Variants in HECW1 observed in about 807,000 individuals in gnomAD.
The protein encoded by HECW1 is E3 ubiquitin-protein ligase HECW1.
Under a neutral mutation model 182.3 loss-of-function variants are expected in HECW1, and 61 were observed. The ratio of observed to expected loss-of-function variants is 0.33; its 90% confidence interval spans 0.27 to 0.41. The LOEUF is 0.41. HECW1 is among the 10% of genes least tolerant of loss of function. The probability of loss-of-function intolerance (pLI) is 1.00; values close to 1 mark genes in which losing one functional copy is unlikely to be tolerated. For missense variants in HECW1, 1,739 were observed against 2,108.9 expected (o/e 0.82, Z 3.44); for synonymous variants, 859 against 832.6 (o/e 1.03, Z -0.55).
intron 29 of HECW1, among the ~76,000 whole-genome samples, chr7:43,560,368 T>C (rs2082170535): frequency 6.6e-6 from 1 of 152,232 alleles, no homozygotes; most frequent in African/African-American, 2.4e-5. Flanking sequence ...TGTATTCGTA[T>C]GTTTCTTCCC....
At chr7:43,507,069 C>T in intron 21 of HECW1, 68 bp from the exon 22 acceptor site, 7 of 1,557,566 alleles carry the variant, frequency 4.5e-6, no homozygotes, top group Non-Finnish European at 6.1e-6. Flanking sequence ...GACTCCTTCT[C>T]AAAAAAGAAA....
At chr7:43,492,960 G>T in intron 18 of HECW1, 124 bp from the exon 19 acceptor site, 1 of 560,004 alleles carries the variant, frequency 1.8e-6, no homozygotes, top group Non-Finnish European at 3.1e-6. Flanking sequence ...TTTTTTTGAT[G>T]AGTATGCTGC....
At chr7:43,237,598 G>T (rs916637927) in intron 2 of HECW1, among the ~76,000 whole-genome samples, 1 of 152,190 alleles carries the variant, frequency 6.6e-6, no homozygotes, top group Non-Finnish European at 1.5e-5. Context: ...CTAGATTATT[G>T]TGAGGATCAA....
chr7:43,114,476 T>C (rs1364415747), intron 2 of HECW1, 85 bp downstream of exon 2: 97 of 1,143,596 alleles, frequency 8.5e-5, no homozygotes, highest in Non-Finnish European at 9.8e-5. Flanking sequence ...CACCCTGGTA[T>C]GAATGTGTGT....
At chr7:43,319,402 A>G (rs1809766083) in intron 4 of HECW1, among the ~76,000 whole-genome samples, 2 of 146,596 alleles carry the variant, frequency 1.4e-5, no homozygotes, top group Admixed American at 6.8e-5. Flanking sequence ...TCAAAAAAAA[A>G]AAAAAAAGAG....
rs1189658048 is a variant in HECW1, at chr7:43,493,152, C to G, written c.3409C>G (p.Pro1137Ala). The part of the protein sequence containing the change: ...NIFEMLQERQ[P>A]SLARNHTLRE... The stretch of plus-strand genomic sequence containing the variant: ...TTTTGAAATGCTGCAAGAGCGTCAG[C>G]CAAGCTTAGCAAGAAACCACACACT... Residue 1137 changes from proline to alanine, a missense_variant, in exon 19 of 30, where the codon CCA becomes GCA. Around this residue, in one of 5 missense-constraint regions of HECW1, gnomAD observed 971 missense variants for 1,029.1 expected, o/e 0.94. Transcript: ENST00000395891. 1 of 1,613,468 alleles carries G rather than the reference C, an allele frequency of 6.2e-7. No homozygotes were observed. Among genetic ancestry groups the G allele is most frequent in the African/African-American group, 1.3e-5 (1 of 74,994 alleles).
chr7:43,415,262 T>G (rs201253738), intron 8 of HECW1, among the ~76,000 whole-genome samples: 48,039 of 138,856 alleles, frequency 0.35, 8,204 homozygotes, highest in Middle Eastern at 0.46. Flanking sequence ...TGTCTGTAAA[T>G]TATTTTATTT....
At chr7:43,561,736 C>A in intron 29 of HECW1, 79 bp from the exon 30 acceptor site, 1 of 977,178 alleles carries the variant, frequency 1.0e-6, no homozygotes, top group Non-Finnish European at 1.6e-6. Flanking sequence ...TTTTGAATCA[C>A]AACTTCAGAC....
chr7:43,395,833 G>T (rs1217396351), intron 6 of HECW1, among the ~76,000 whole-genome samples: 2 of 152,154 alleles, frequency 1.3e-5, no homozygotes, highest in African/African-American at 4.8e-5. Context: ...CTCATATCAG[G>T]CAGGTTGATG....
chr7:43,363,142 A>G (rs1816177391), intron 6 of HECW1, among the ~76,000 whole-genome samples: 1 of 152,190 alleles, frequency 6.6e-6, no homozygotes, highest in Non-Finnish European at 1.5e-5. Context: ...AGTGTTGTGC[A>G]ATGTAGGCTT....
intron 3 of HECW1, among the ~76,000 whole-genome samples, chr7:43,296,121 C>A (rs1315111307): frequency 2.6e-5 from 4 of 152,026 alleles, no homozygotes; most frequent in Admixed American, 2.6e-4. Flanking sequence ...TATTTGTAAT[C>A]ACATAAGAGG....
At chr7:43,311,643 C>T in intron 3 of HECW1, 120 bp from the exon 4 acceptor site, 1 of 902,700 alleles carries the variant, frequency 1.1e-6, no homozygotes, top group Non-Finnish European at 1.8e-6. Flanking sequence ...TTCATATCTG[C>T]CCAGCAGGGC....
rs1407298625 is a variant in HECW1 at position 43,463,744 on chromosome 7, AGGAGGC to A, written c.2742_2747del (p.Gly917_Gly918del). The A allele has an allele frequency of 1.8e-5, 29 of 1,613,946 alleles. No individual in the cohort carries two copies. The highest frequency in any genetic ancestry group is 2.4e-5 in the Non-Finnish European group (28 of 1,180,024). The stretch of plus-strand genomic sequence containing the variant: ...AAAGCTGCGAGCAAGCCCCAGCAGG[AGGAGGC>A]GGAGGTGGAGGGAGTGACTCAGAAG... On this transcript the variant is annotated inframe_deletion, in exon 14 of 30. Transcript: ENST00000395891.
chr7:43,342,799 G>T (rs1013585416), intron 5 of HECW1, among the ~76,000 whole-genome samples: 2 of 151,754 alleles, frequency 1.3e-5, no homozygotes, highest in East Asian at 1.9e-4. Flanking sequence ...GCGCAGGCAG[G>T]CAGATCATGA....
intron 8 of HECW1, among the ~76,000 whole-genome samples, chr7:43,433,118 C>T (rs528067612): frequency 1.3e-5 from 2 of 152,288 alleles, no homozygotes; most frequent in South Asian, 4.1e-4. Flanking sequence ...GTGTCACTGG[C>T]ATCTAATGGG....
intron 5 of HECW1, among the ~76,000 whole-genome samples, chr7:43,348,909 A>G (rs1814030770): frequency 6.6e-6 from 1 of 152,180 alleles, no homozygotes; most frequent in Non-Finnish European, 1.5e-5. Flanking sequence ...AAATTTATTG[A>G]GGCTCATTTT....
In HECW1 at chr7:43,564,797, A is replaced by T; in HGVS notation, c.*2871A>T. 5.5e-6 allele frequency: 1 copy of T among 182,116 alleles called. No individual in the cohort carries two copies. Among genetic ancestry groups the T allele is most frequent in the Non-Finnish European group, 1.2e-5 (1 of 85,276 alleles). The allele number at this position is 182,116 out of a possible 1,614,324, so 11.3% of individuals were successfully genotyped here. A position where few individuals can be genotyped will look rare whatever the true frequency, so the allele number is the denominator to read the frequency against. ...TGTATATGAAATGAAATAGCTATAG[A>T]ACTAAATTTCACTTAGGTGGAGGTA... On this transcript the variant is annotated 3_prime_UTR_variant, in exon 30 of 30. Coordinates refer to ENST00000395891, the MANE Select transcript of HECW1 (RefSeq NM_015052.5).
chr7:43,233,629 G>A (rs1473641755), intron 2 of HECW1, among the ~76,000 whole-genome samples: 1 of 152,158 alleles, frequency 6.6e-6, no homozygotes, highest in Non-Finnish European at 1.5e-5. Context: ...GTGGAAGCTA[G>A]AAATAGGGAT....
intron 2 of HECW1, among the ~76,000 whole-genome samples, chr7:43,171,543 C>G (rs912959113): frequency 2.0e-5 from 3 of 152,198 alleles, no homozygotes; most frequent in African/African-American, 4.8e-5. Flanking sequence ...GCTCCATGTT[C>G]GCAAACAAGT....
Sources: allele counts gnomAD v4.1 joint callset (sites outside exome capture counted in the v4.1 genomes callset), GRCh38; gene constraint gnomAD v4.1.1; regional missense constraint gnomAD v4.1.1; transcripts MANE v1.5; gene names NCBI Gene and HGNC (gene_info 2026-07-23, HGNC 2026-07-21).